Variants in MYO1E observed in about 807,000 individuals in gnomAD.
The protein encoded by MYO1E is unconventional myosin-Ie.
Under a neutral mutation model 151.1 loss-of-function variants are expected in MYO1E, and 68 were observed. The ratio of observed to expected loss-of-function variants is 0.45; its 90% CI spans 0.37 to 0.55. The LOEUF is 0.55. MYO1E is among the 20% of genes least tolerant of loss of function. The pLI is 0.00. For synonymous variants in MYO1E, 601 were observed against 501.7 expected (o/e 1.20, Z -2.64); for missense variants, 1,363 against 1,389.3 (o/e 0.98, Z 0.30).
intron 2 of MYO1E, among the ~76,000 whole-genome samples, chr15:59,266,172 C>T (rs2080252267): frequency 6.6e-6 from 1 of 152,144 alleles, no homozygotes; most frequent in African/African-American, 2.4e-5. Flanking sequence ...CCTGTGCTCT[C>T]CTGCTGCTTT....
chr15:59,206,859 T>C (rs1347612591), intron 14 of MYO1E: 1 of 1,429,266 alleles, frequency 7.0e-7, no homozygotes, highest in East Asian at 2.4e-5. Flanking sequence ...CTGAAGGTCC[T>C]GCCAACGGCT....
intron 1 of MYO1E, among the ~76,000 whole-genome samples, chr15:59,321,865 C>CA (rs1329433782): frequency 6.6e-6 from 1 of 151,544 alleles, no homozygotes; most frequent in East Asian, 1.9e-4. Context: ...GACCCTGGCT[C>CA]AAAAAAAGAA....
intron 22 of MYO1E, among the ~76,000 whole-genome samples, chr15:59,169,808 T>C (rs557792380): frequency 4.6e-5 from 7 of 152,304 alleles, no homozygotes; most frequent in Middle Eastern, 3.4e-3. Flanking sequence ...CAGTCCCTGC[T>C]TGACAACCCC....
At chr15:59,178,293 T>C in intron 19 of MYO1E, 100 bp downstream of exon 19, 2 of 1,442,676 alleles carry the variant, frequency 1.4e-6, no homozygotes, top group Non-Finnish European at 1.9e-6. Flanking sequence ...ATTGATGGCA[T>C]GAAGCGAAGA....
chr15:59,158,994 T>A (rs1343897852), intron 24 of MYO1E, among the ~76,000 whole-genome samples: 1 of 152,006 alleles, frequency 6.6e-6, no homozygotes, highest in Non-Finnish European at 1.5e-5. Flanking sequence ...CCAGAGGAGA[T>A]CTCTGCAGAG....
intron 26 of MYO1E, among the ~76,000 whole-genome samples, chr15:59,147,896 G>A (rs779234359): frequency 6.6e-5 from 10 of 152,144 alleles, no homozygotes; most frequent in Non-Finnish European, 1.2e-4. Flanking sequence ...TGCCTGAAGC[G>A]TAGACCTTCA....
At chr15:59,212,708 G>C (rs946787652) in intron 12 of MYO1E, 3 of 152,114 alleles carry the variant, frequency 2.0e-5, no homozygotes, top group Non-Finnish European at 2.9e-5. Context: ...TCATGGCAGG[G>C]TATTGTGAAA....
chr15:59,197,132 A>G (rs577279369), intron 16 of MYO1E, among the ~76,000 whole-genome samples: 58 of 151,740 alleles, frequency 3.8e-4, no homozygotes, highest in African/African-American at 1.4e-3. Context: ...AGCTGGGACT[A>G]CAGGCGTATG....
intron 18 of MYO1E, among the ~76,000 whole-genome samples, chr15:59,180,756 C>G (rs1384151127): frequency 6.6e-6 from 1 of 152,058 alleles, no homozygotes; most frequent in South Asian, 2.1e-4. Flanking sequence ...CCAAGTGTAC[C>G]CAGGCCACTC....
In MYO1E at chr15:59,228,280, G is replaced by A. The variant is rs537305038; in HGVS notation, c.511-690C>T. On this transcript the variant is annotated intron_variant, in intron 6 of 27. Coordinates refer to ENST00000288235, the MANE Select transcript of MYO1E (RefSeq NM_004998.4). ...GTGGATCACTGGAGGTCAGGAGTTCGCAACCAGCCTGGTCAACATGGTGAA... is the reference window on the plus strand; with the variant it reads ...GTGGATCACTGGAGGTCAGGAGTTCACAACCAGCCTGGTCAACATGGTGAA... Among the ~76,000 whole-genome samples, 60 of 152,092 alleles carry A rather than the reference G, an allele frequency of 3.9e-4. 1 individual carries two copies. The South Asian group carries it at 0.012, about 30-fold the overall frequency.
At chr15:59,141,819 G>T (rs1225298824) in intron 26 of MYO1E, among the ~76,000 whole-genome samples, 2 of 112,452 alleles carry the variant, frequency 1.8e-5, no homozygotes, top group African/African-American at 7.7e-5. Context: ...AAAAAAAAAA[G>T]GCTGGGTGCA....
At chr15:59,142,293 T>A (rs2079414892) in intron 26 of MYO1E, among the ~76,000 whole-genome samples, 1 of 152,098 alleles carries the variant, frequency 6.6e-6, no homozygotes, top group Non-Finnish European at 1.5e-5. Flanking sequence ...AACCCTAGTG[T>A]CCTTAGTGTA....
At chr15:59,371,448 T>TC (rs1281878141) in intron 1 of MYO1E, among the ~76,000 whole-genome samples, 1 of 151,330 alleles carries the variant, frequency 6.6e-6, no homozygotes, top group Non-Finnish European at 1.5e-5. Flanking sequence ...TTTTTTTTTT[T>TC]GATGAACTGC....
rs758478367 is a variant in MYO1E, at chr15:59,231,788, C to T, written c.424G>A (p.Val142Met). The T allele has an allele frequency of 1.5e-5, 24 of 1,614,104 alleles. No individual in the cohort carries two copies. Among genetic ancestry groups the T allele is most frequent in the South Asian group, 4.4e-5 (4 of 91,082 alleles). ...VSGGGTKVQH[V>M]KDIILQSNPL... Reference sequence around the variant, plus strand: ...TTGGACTGCAGGATAATGTCCTTCACGTGCTGTCCCAGCAAATAGACCGGA... The same window carrying T: ...TTGGACTGCAGGATAATGTCCTTCATGTGCTGTCCCAGCAAATAGACCGGA... The change falls in exon 6 of 28, where the codon GTG becomes ATG. Residue 142 changes from valine (V) to methionine (M), a missense_variant. Coordinates refer to ENST00000288235, the MANE Select transcript of MYO1E (RefSeq NM_004998.4).
At chr15:59,209,763 T>TA (rs1334827589) in intron 13 of MYO1E, among the ~76,000 whole-genome samples, 11 of 143,606 alleles carry the variant, frequency 7.7e-5, no homozygotes, top group Admixed American at 2.8e-4. Context: ...TTTATATATA[T>TA]AAAAAAATCC....
At chr15:59,243,718 A>G (rs1323905903) in intron 4 of MYO1E, among the ~76,000 whole-genome samples, 5 of 152,158 alleles carry the variant, frequency 3.3e-5, no homozygotes, top group African/African-American at 1.2e-4. Flanking sequence ...ACTGATACAC[A>G]CCCATTTAAG....
At chr15:59,309,639 T>C (rs2080537439) in intron 1 of MYO1E, among the ~76,000 whole-genome samples, 1 of 150,874 alleles carries the variant, frequency 6.6e-6, no homozygotes, top group Non-Finnish European at 1.5e-5. Flanking sequence ...GTAGCTGCCA[T>C]TCCCTGAGAC....
chr15:59,231,801 C>A lies in MYO1E; in HGVS notation c.421-10G>T, dbSNP rs781009696. 6.2e-7 allele frequency: 1 copy of A among 1,613,982 alleles called. No individual in the cohort carries two copies. The highest frequency in any genetic ancestry group is 1.7e-5 in the Admixed American group (1 of 60,020). On this transcript the variant is annotated splice_polypyrimidine_tract_variant and intron_variant, in intron 5 of 27. Coordinates refer to ENST00000288235, the MANE Select transcript of MYO1E (RefSeq NM_004998.4). ...TAATGTCCTTCACGTGCTGTCCCAG[C>A]AAATAGACCGGAGGTTAGGAAGGTG...
intron 4 of MYO1E, among the ~76,000 whole-genome samples, chr15:59,253,595 C>T (rs1404298546): frequency 6.6e-6 from 1 of 150,732 alleles, no homozygotes; most frequent in Non-Finnish European, 1.5e-5. Flanking sequence ...GATTTCCCTG[C>T]CTCAGCCTCC....
Sources: gnomAD v4.1 joint callset for allele counts (sites outside exome capture counted in the v4.1 genomes callset) on GRCh38, gnomAD v4.1.1 for gene constraint, MANE v1.5 for transcripts, NCBI Gene and HGNC (gene_info 2026-07-23, HGNC 2026-07-21) for gene names.